Variants in NUMB observed in about 807,000 individuals in gnomAD.
The protein encoded by NUMB is protein numb homolog.
In NUMB, 29 loss-of-function variants were observed where a neutral mutation model predicts 59.7. The ratio of observed to expected loss-of-function variants is 0.49; its 90% confidence interval spans 0.36 to 0.66. NUMB has a LOEUF of 0.66. Ranked by LOEUF, NUMB falls within the 30% of genes least tolerant of loss-of-function variation. The pLI is 0.00. For synonymous variants in NUMB, 288 were observed against 288.2 expected, an observed-to-expected ratio of 1.00 and a Z score of 0.01; for missense variants, 723 against 822.0, an observed-to-expected ratio of 0.88 and a Z score of 1.47.
chr14:73,389,911 C>G (rs886293646), intron 2 of NUMB, among the ~76,000 whole-genome samples: 1 of 151,980 alleles, frequency 6.6e-6, no homozygotes, highest in African/African-American at 2.4e-5. Context: ...ACCAAAAGAC[C>G]ACCAAAAGTT....
chr14:73,336,265 A>T (rs963453924), intron 4 of NUMB, among the ~76,000 whole-genome samples: 10 of 152,232 alleles, frequency 6.6e-5, no homozygotes, highest in Non-Finnish European at 1.0e-4. Context: ...CTGTTATTAC[A>T]TATATTAACT....
chr14:73,329,968 G>T (rs1439216411), intron 4 of NUMB, among the ~76,000 whole-genome samples: 1 of 152,174 alleles, frequency 6.6e-6, no homozygotes, highest in Admixed American at 6.5e-5. Flanking sequence ...CTGTACCTCT[G>T]ATGTTTGTAT....
intron 4 of NUMB, among the ~76,000 whole-genome samples, chr14:73,327,365 T>C (rs1282340619): frequency 1.3e-5 from 2 of 152,202 alleles, no homozygotes; most frequent in African/African-American, 4.8e-5. Flanking sequence ...CAAGCGATTC[T>C]CCTGCCTCAG....
At position 73,277,762 on chromosome 14, in the gene NUMB, T is replaced by TAA. The variant is rs35278332; in HGVS notation, c.1241-471_1241-470dup. 8.2e-3 allele frequency among the ~76,000 whole-genome samples: 1,181 copies of TAA among 144,058 alleles called. 7 individuals carry two copies. The highest frequency in any genetic ancestry group is 0.032 in the South Asian group (146 of 4,546). The allele number at this position is 144,058 out of a possible 152,430, so 94.5% of individuals were successfully genotyped here. A position where few individuals can be genotyped will look rare whatever the true frequency, so the allele number is the denominator to read the frequency against. On this transcript the variant is annotated intron_variant, in intron 12 of 12. Coordinates refer to ENST00000555238, the MANE Select transcript of NUMB (RefSeq NM_001005743.2). ...GGGCAACACAGTGAGAATTCTGTCT[T>TAA]AAAAAAAAAAAAAGGCCACGTGCAG...
At chr14:73,370,400 A>G (rs1894603282) in intron 2 of NUMB, among the ~76,000 whole-genome samples, 1 of 152,226 alleles carries the variant, frequency 6.6e-6, no homozygotes. Context: ...CAAAAAAGTC[A>G]GTTTCTTCTC....
intron 1 of NUMB, among the ~76,000 whole-genome samples, chr14:73,441,315 C>A (rs1883047906): frequency 6.6e-6 from 1 of 151,888 alleles, no homozygotes; most frequent in African/African-American, 2.4e-5. Flanking sequence ...TTTGGGAGGC[C>A]AAGGCAGGCA....
At chr14:73,364,145 C>G (rs1374613548) in intron 3 of NUMB, among the ~76,000 whole-genome samples, 1 of 152,102 alleles carries the variant, frequency 6.6e-6, no homozygotes, top group Non-Finnish European at 1.5e-5. Flanking sequence ...GTTCTTCACA[C>G]AAAAAATATC....
At chr14:73,324,000 G>A (rs2139926493) in intron 4 of NUMB, among the ~76,000 whole-genome samples, 1 of 152,282 alleles carries the variant, frequency 6.6e-6, no homozygotes, top group African/African-American at 2.4e-5. Flanking sequence ...CCCCTGAAGA[G>A]CAGGAGGGGC....
In NUMB at chr14:73,297,557, GAT is replaced by G. The variant is rs1889863016; in HGVS notation, c.235-274_235-273del. 3 of 272,530 alleles carry G rather than the reference GAT, an allele frequency of 1.1e-5. No homozygotes were observed. The South Asian group carries it at 2.5e-4, about 23-fold the overall frequency. 16.9% of individuals were successfully genotyped at this position (272,530 alleles called of 1,614,324 possible). On this transcript the variant is annotated intron_variant, in intron 6 of 12. Coordinates refer to ENST00000555238, the MANE Select transcript of NUMB (RefSeq NM_001005743.2). Reference sequence around the variant, plus strand: ...AAGTAACAGATGGAATAAAAACCAAGATATCACATTCCATAAAGGGCAAAGAA... The same window carrying G: ...AAGTAACAGATGGAATAAAAACCAAGATCACATTCCATAAAGGGCAAAGAA...
intron 1 of NUMB, among the ~76,000 whole-genome samples, chr14:73,428,846 T>C (rs746898766): frequency 6.6e-6 from 1 of 152,094 alleles, no homozygotes; most frequent in South Asian, 2.1e-4. Flanking sequence ...TAAAACATTT[T>C]CTGAGATATT....
intron 1 of NUMB, among the ~76,000 whole-genome samples, chr14:73,432,833 G>A (rs1897889367): frequency 6.6e-6 from 1 of 152,128 alleles, no homozygotes; most frequent in South Asian, 2.1e-4. Context: ...TCTCCTGGAA[G>A]ATTAATCTTA....
At chr14:73,414,883 C>A (rs1284138722) in intron 1 of NUMB, among the ~76,000 whole-genome samples, 1 of 152,096 alleles carries the variant, frequency 6.6e-6, no homozygotes, top group Non-Finnish European at 1.5e-5. Flanking sequence ...CCACGCCCAG[C>A]TAATTTTTTT....
chr14:73,351,755 T>C (rs1260365757), intron 4 of NUMB, among the ~76,000 whole-genome samples: 3 of 151,916 alleles, frequency 2.0e-5, no homozygotes, highest in Non-Finnish European at 4.4e-5. Flanking sequence ...GATGGGTGGA[T>C]CACGAGGTCA....
rs1892596515 is a variant in NUMB, at chr14:73,340,891, T to C, written c.126+14735A>G. Among the ~76,000 whole-genome samples, 4 of 152,310 alleles carry C rather than the reference T, an allele frequency of 2.6e-5. No individual in the cohort carries two copies. In the South Asian group the frequency reaches 8.3e-4, roughly 32 times the overall value. On this transcript the variant is annotated intron_variant, in intron 4 of 12. Transcript: ENST00000555238. ...AACCTGATGGGAGGTGACTGGATTATGGGGGCAGTTTCCCCCATGCTGTTC... is the reference window on the plus strand; with the variant it reads ...AACCTGATGGGAGGTGACTGGATTACGGGGGCAGTTTCCCCCATGCTGTTC...
At chr14:73,338,498 A>G (rs1440351146) in intron 4 of NUMB, among the ~76,000 whole-genome samples, 1 of 152,118 alleles carries the variant, frequency 6.6e-6, no homozygotes, top group East Asian at 1.9e-4. Flanking sequence ...CTTTGTTATC[A>G]CCCTTGCTCA....
chr14:73,342,909 A>T (rs1328178882), intron 4 of NUMB, among the ~76,000 whole-genome samples: 3 of 152,108 alleles, frequency 2.0e-5, no homozygotes, highest in Non-Finnish European at 4.4e-5. Flanking sequence ...CAGTGATGCG[A>T]TCATGGCTTA....
At chr14:73,360,321 C>T (rs1337714048) in intron 3 of NUMB, among the ~76,000 whole-genome samples, 1 of 152,032 alleles carries the variant, frequency 6.6e-6, no homozygotes, top group Non-Finnish European at 1.5e-5. Context: ...TTTGGGAGGC[C>T]GAGGCAGGTG....
chr14:73,334,121 G>C (rs1269585798), intron 4 of NUMB, among the ~76,000 whole-genome samples: 1 of 145,272 alleles, frequency 6.9e-6, no homozygotes, highest in Non-Finnish European at 1.5e-5. Flanking sequence ...GCACAATCTC[G>C]GCTCACTGCA....
At chr14:73,445,392 A>C (rs898965844) in intron 1 of NUMB, among the ~76,000 whole-genome samples, 1 of 145,010 alleles carries the variant, frequency 6.9e-6, no homozygotes, top group African/African-American at 2.6e-5. Context: ...AAAAAAAAAA[A>C]AAAACTTACA....
Sources: gnomAD v4.1 joint callset for allele counts (sites outside exome capture counted in the v4.1 genomes callset) on GRCh38, gnomAD v4.1.1 for gene constraint, MANE v1.5 for transcripts, NCBI Gene and HGNC (gene_info 2026-07-23, HGNC 2026-07-21) for gene names.